SAMMSON: variants seen among roughly 807,000 people sequenced by gnomAD.
SAMMSON encodes survival associated mitochondrial melanoma specific oncogenic non-coding RNA.
intron 4 of SAMMSON, among the ~76,000 whole-genome samples, chr3:70,097,137 A>G (rs2067325702): frequency 6.6e-6 from 1 of 152,248 alleles, no homozygotes; most frequent in Middle Eastern, 3.2e-3. Context: ...CACAGCTGGT[A>G]AAAGAGAACT....
chr3:70,147,843 T>A (rs1285740595), intron 4 of SAMMSON, among the ~76,000 whole-genome samples: 1 of 152,002 alleles, frequency 6.6e-6, no homozygotes, highest in East Asian at 1.9e-4. Flanking sequence ...CAAAACACAT[T>A]GTTAAGAAAA....
chr3:70,079,885 G>C (rs2067261809), intron 4 of SAMMSON, among the ~76,000 whole-genome samples: 1 of 152,120 alleles, frequency 6.6e-6, no homozygotes, highest in African/African-American at 2.4e-5. Context: ...TGTGAGTGCT[G>C]CAGCTAACAG....
At chr3:70,234,846 C>T (rs547693203) in intron 4 of SAMMSON, among the ~76,000 whole-genome samples, 64 of 152,216 alleles carry the variant, frequency 4.2e-4, no homozygotes, top group Admixed American at 3.7e-3. Context: ...CATGGAATGC[C>T]TCCTCTTCTT....
rs141979563 is a variant in SAMMSON, at chr3:70,077,361, A to G, written n.507+5796A>G. Among the ~76,000 whole-genome samples the G allele has an allele frequency of 4.6e-3, 694 of 152,320 alleles. 6 individuals carry two copies. Among genetic ancestry groups the G allele is most frequent in the African/African-American group, 0.016 (661 of 41,576 alleles). On this transcript the variant is annotated intron_variant and non_coding_transcript_variant, in intron 4 of 9. Transcript: ENST00000642114. ...TATAAAAATAAATTGAGATGTGCAA[A>G]TTTGAAATTATTTTAGATTGCATAC...
rs2067297918 is a variant in SAMMSON at position 70,089,520 on chromosome 3, T to C, written n.507+17955T>C. 8.0e-5 allele frequency among the ~76,000 whole-genome samples: 12 copies of C among 150,832 alleles called. No homozygotes were observed. The South Asian group carries it at 2.6e-3, about 32-fold the overall frequency. ...TGCTTCACTGTGATAACATCGTGCA[T>C]TTTTTAGGCAGATGGACGGGGGGTG... On this transcript the variant is annotated intron_variant and non_coding_transcript_variant, in intron 4 of 9. Coordinates refer to ENST00000642114, the Ensembl canonical transcript of SAMMSON.
chr3:70,263,055 A>G (rs1701881999), intron 6 of SAMMSON, among the ~76,000 whole-genome samples: 1 of 152,062 alleles, frequency 6.6e-6, no homozygotes, highest in Non-Finnish European at 1.5e-5. Context: ...TAGGTAATTC[A>G]TCTCTCTCTT....
chr3:70,149,195 A>T (rs959857672), intron 4 of SAMMSON, among the ~76,000 whole-genome samples: 1 of 152,082 alleles, frequency 6.6e-6, no homozygotes, highest in Non-Finnish European at 1.5e-5. Context: ...TATTTCCAAT[A>T]GGTGTTTAGT....
At chr3:70,133,650 G>T (rs1342824284) in intron 4 of SAMMSON, among the ~76,000 whole-genome samples, 3 of 151,952 alleles carry the variant, frequency 2.0e-5, no homozygotes, top group Non-Finnish European at 4.4e-5. Context: ...CTTAACCTGT[G>T]GGGTCTGACA....
At chr3:70,409,995 T>C (rs559648374) in intron 2 of SAMMSON, among the ~76,000 whole-genome samples, 1 of 152,206 alleles carries the variant, frequency 6.6e-6, no homozygotes, top group African/African-American at 2.4e-5. Flanking sequence ...CTTTCCACTT[T>C]AGTAGTCCCC....
intron 4 of SAMMSON, among the ~76,000 whole-genome samples, chr3:70,187,384 G>T (rs1293065535): frequency 6.7e-6 from 1 of 148,868 alleles, no homozygotes; most frequent in Non-Finnish European, 1.5e-5. Flanking sequence ...GACATTTTTG[G>T]TGGCCTTATG....
At chr3:70,179,672 A>G (rs893934696) in intron 4 of SAMMSON, among the ~76,000 whole-genome samples, 3 of 152,212 alleles carry the variant, frequency 2.0e-5, no homozygotes, top group African/African-American at 7.2e-5. Context: ...GCAAGTCTGT[A>G]CTTGTACATG....
intron 4 of SAMMSON, among the ~76,000 whole-genome samples, chr3:70,154,556 G>C (rs2067584415): frequency 6.6e-6 from 1 of 152,040 alleles, no homozygotes; most frequent in Admixed American, 6.6e-5. Flanking sequence ...ATCTCCTCCA[G>C]TGATTCCAGT....
chr3:70,008,568 G>A (rs373375116), intron 1 of SAMMSON, among the ~76,000 whole-genome samples: 8 of 152,228 alleles, frequency 5.3e-5, no homozygotes, highest in South Asian at 2.1e-4. Context: ...TAGATATACA[G>A]TCATGTCATC....
intron 4 of SAMMSON, among the ~76,000 whole-genome samples, chr3:70,222,584 T>A (rs938333441): frequency 6.6e-6 from 1 of 152,054 alleles, no homozygotes; most frequent in Admixed American, 6.6e-5. Context: ...CTCAAAAGGG[T>A]TGAAAACAGT....
At chr3:70,017,034 T>G (rs972816240) in intron 3 of SAMMSON, among the ~76,000 whole-genome samples, 6 of 152,144 alleles carry the variant, frequency 3.9e-5, no homozygotes, top group East Asian at 1.9e-4. Context: ...GCCTCCAGCT[T>G]TGTTCTTTTG....
At chr3:70,181,913 G>A (rs912635561) in intron 4 of SAMMSON, among the ~76,000 whole-genome samples, 1 of 152,148 alleles carries the variant, frequency 6.6e-6, no homozygotes, top group South Asian at 2.1e-4. Flanking sequence ...TCAGTGATGG[G>A]CAGGGGTGAG....
intron 4 of SAMMSON, among the ~76,000 whole-genome samples, chr3:70,185,726 G>C (rs11714017): frequency 0.022 from 3,391 of 150,914 alleles, 68 homozygotes; most frequent in Non-Finnish European, 0.034. Context: ...GCCAGGTGTA[G>C]TGGCACATGC....
intron 4 of SAMMSON, among the ~76,000 whole-genome samples, chr3:70,189,242 G>C (rs553383307): frequency 6.6e-6 from 1 of 152,242 alleles, no homozygotes; most frequent in South Asian, 2.1e-4. Context: ...GATGGTATTA[G>C]TTATAAAATT....
chr3:70,056,086 A>G (rs1048945195), intron 3 of SAMMSON, among the ~76,000 whole-genome samples: 7 of 152,010 alleles, frequency 4.6e-5, no homozygotes, highest in Admixed American at 4.6e-4. Context: ...AGCCCCATTT[A>G]TAGATTAATC....
Sources: allele counts gnomAD v4.1 joint callset (sites outside exome capture counted in the v4.1 genomes callset), GRCh38; gene constraint gnomAD v4.1.1; transcripts MANE v1.5; gene names NCBI Gene and HGNC (gene_info 2026-07-23, HGNC 2026-07-21).